The following ZNF804B variants were observed in gnomAD, a reference collection of about 807,000 sequenced individuals.
ZNF804B encodes zinc finger protein 804B.
A neutral mutation model predicts 101.4 loss-of-function variants in ZNF804B; 80 were observed. The observed-to-expected ratio is 0.79, with a 90% confidence interval of 0.66 to 0.95. ZNF804B has a LOEUF of 0.95. Among genes scored for constraint, ZNF804B ranks in the 40% least tolerant of loss-of-function variants. The pLI, the probability that ZNF804B is intolerant of heterozygous loss-of-function variation, is 0.00. For synonymous variants in ZNF804B, 622 were observed against 558.8 expected, an observed-to-expected ratio of 1.11 and a Z score of -1.59; for missense variants, 1,673 against 1,561.9, an observed-to-expected ratio of 1.07 and a Z score of -1.20.
At chr7:88,792,842 A>G (rs1188410412) in intron 1 of ZNF804B, among the ~76,000 whole-genome samples, 1 of 152,120 alleles carries the variant, frequency 6.6e-6, no homozygotes, top group Admixed American at 6.6e-5. Context: ...TTAATGAAGT[A>G]TTACAAAATT....
intron 1 of ZNF804B, among the ~76,000 whole-genome samples, chr7:88,833,459 C>G (rs937561647): frequency 6.6e-6 from 1 of 151,846 alleles, no homozygotes; most frequent in African/African-American, 2.4e-5. Context: ...ATGTATCTGA[C>G]ATGTTGCTAG....
At chr7:88,861,489 A>G (rs1265626320) in intron 1 of ZNF804B, among the ~76,000 whole-genome samples, 1 of 152,194 alleles carries the variant, frequency 6.6e-6, no homozygotes, top group East Asian at 1.9e-4. Context: ...AAAATAAGGC[A>G]TTTAATATAG....
intron 1 of ZNF804B, among the ~76,000 whole-genome samples, chr7:89,061,390 A>ATG (rs58438827): frequency 0.31 from 46,557 of 150,740 alleles, 7,546 homozygotes; most frequent in East Asian, 0.51. Flanking sequence ...CCCCATGAAA[A>ATG]TGTGTGTGTG....
At chr7:88,944,790 C>G (rs973415185) in intron 1 of ZNF804B, among the ~76,000 whole-genome samples, 1 of 151,730 alleles carries the variant, frequency 6.6e-6, no homozygotes, top group African/African-American at 2.4e-5. Context: ...AAATCCAAAA[C>G]TTTTTGAGTG....
chr7:88,819,019 G>A lies in ZNF804B; in HGVS notation c.108+58935G>A, dbSNP rs189541975. Among the ~76,000 whole-genome samples the A allele has an allele frequency of 5.7e-3, 862 of 152,270 alleles. 5 individuals carry two copies. Among genetic ancestry groups the A allele is most frequent in the African/African-American group, 0.02 (824 of 41,570 alleles). On this transcript the variant is annotated intron_variant, in intron 1 of 3. Coordinates refer to ENST00000333190, the MANE Select transcript of ZNF804B (RefSeq NM_181646.5). ...CAATGTCAATTTTCAGAAAAATACAGATTATTTAAATAAACAGCAGCAGGA... is the reference window on the plus strand; with the variant it reads ...CAATGTCAATTTTCAGAAAAATACAAATTATTTAAATAAACAGCAGCAGGA...
chr7:88,831,878 T>C (rs1791140000), intron 1 of ZNF804B, among the ~76,000 whole-genome samples: 1 of 151,948 alleles, frequency 6.6e-6, no homozygotes, highest in South Asian at 2.1e-4. Flanking sequence ...TGTCTCCATG[T>C]TGCCTTTTAA....
intron 1 of ZNF804B, among the ~76,000 whole-genome samples, chr7:89,092,468 A>G (rs1382435581): frequency 2.3e-5 from 3 of 131,200 alleles, no homozygotes; most frequent in East Asian, 2.2e-4. Flanking sequence ...GCTGGAGTAC[A>G]GTAGTGCCAT....
At position 89,278,782 on chromosome 7, in the gene ZNF804B, C is replaced by T. The variant is rs1425340176; in HGVS notation, c.250-48562C>T. ...TGTAGTATAGTTTGAAGTCAGGTAGCATGATGCCTCCAGCTTTGTTCTTTT... is the reference window on the plus strand; with the variant it reads ...TGTAGTATAGTTTGAAGTCAGGTAGTATGATGCCTCCAGCTTTGTTCTTTT... On this transcript the variant is annotated intron_variant, in intron 2 of 3. Coordinates refer to ENST00000333190, the MANE Select transcript of ZNF804B (RefSeq NM_181646.5). 2.5e-4 allele frequency among the ~76,000 whole-genome samples: 37 copies of T among 150,342 alleles called. No individual in the cohort carries two copies. In the East Asian group the frequency reaches 5.7e-3, roughly 23 times the overall value.
intron 1 of ZNF804B, among the ~76,000 whole-genome samples, chr7:88,906,625 A>T (rs1792474509): frequency 6.6e-6 from 1 of 151,938 alleles, no homozygotes; most frequent in Non-Finnish European, 1.5e-5. Flanking sequence ...TATTCTGTTG[A>T]ATTTATTGAG....
At chr7:89,041,962 T>C (rs1004847039) in intron 1 of ZNF804B, among the ~76,000 whole-genome samples, 1 of 152,208 alleles carries the variant, frequency 6.6e-6, no homozygotes, top group Admixed American at 6.5e-5. Flanking sequence ...AGTATCATCA[T>C]ATATGACTTA....
At chr7:89,203,988 T>C (rs1030553181) in intron 1 of ZNF804B, among the ~76,000 whole-genome samples, 1 of 152,146 alleles carries the variant, frequency 6.6e-6, no homozygotes, top group African/African-American at 2.4e-5. Flanking sequence ...GGGAACATAT[T>C]TGCAATCAAT....
At chr7:88,997,563 A>G (rs1788218808) in intron 1 of ZNF804B, among the ~76,000 whole-genome samples, 2 of 152,028 alleles carry the variant, frequency 1.3e-5, no homozygotes, top group South Asian at 4.1e-4. Context: ...ACATTTCTAG[A>G]TTCTTTGAGT....
At chr7:89,062,773 A>G (rs931894827) in intron 1 of ZNF804B, among the ~76,000 whole-genome samples, 4 of 152,158 alleles carry the variant, frequency 2.6e-5, no homozygotes, top group African/African-American at 7.2e-5. Context: ...TGAGGCGAGT[A>G]TAATCAATTC....
chr7:88,921,323 A>C (rs1457656603), intron 1 of ZNF804B, among the ~76,000 whole-genome samples: 2 of 152,116 alleles, frequency 1.3e-5, no homozygotes, highest in African/African-American at 4.8e-5. Context: ...TGAGAGACAC[A>C]GGTGAATAGG....
intron 1 of ZNF804B, among the ~76,000 whole-genome samples, chr7:89,058,314 T>C (rs1202863755): frequency 6.6e-6 from 1 of 152,172 alleles, no homozygotes; most frequent in Non-Finnish European, 1.5e-5. Flanking sequence ...TCTACCTTTA[T>C]GGCTTCTTAA....
chr7:88,857,115 C>T (rs1378132135), intron 1 of ZNF804B, among the ~76,000 whole-genome samples: 5 of 151,830 alleles, frequency 3.3e-5, no homozygotes, highest in African/African-American at 9.7e-5. Flanking sequence ...CAAAGCAGTG[C>T]GTGGAGGGAA....
chr7:88,923,710 G>A (rs938428314), intron 1 of ZNF804B, among the ~76,000 whole-genome samples: 7 of 151,670 alleles, frequency 4.6e-5, no homozygotes, highest in African/African-American at 7.3e-5. Flanking sequence ...TGAGGTAATA[G>A]GTATTATCAA....
At chr7:88,781,787 G>C (rs1441819729) in intron 1 of ZNF804B, among the ~76,000 whole-genome samples, 1 of 152,134 alleles carries the variant, frequency 6.6e-6, no homozygotes, top group East Asian at 1.9e-4. Flanking sequence ...TCTGCCATGT[G>C]TGAGTAGGTT....
At position 88,875,701 on chromosome 7, in the gene ZNF804B, A is replaced by G. The variant is rs551995472; in HGVS notation, c.108+115617A>G. ...CCAACCAAAAAGAGTCCAGGACCAG[A>G]TGGATTCACAGCCGAATTCTACCAG... On this transcript the variant is annotated intron_variant, in intron 1 of 3. Transcript: ENST00000333190. 1.2e-3 allele frequency among the ~76,000 whole-genome samples: 186 copies of G among 152,224 alleles called. 1 individual carries two copies. Among genetic ancestry groups the G allele is most frequent in the Non-Finnish European group, 2.1e-3 (142 of 68,010 alleles).
Sources: gnomAD v4.1 joint callset for allele counts (sites outside exome capture counted in the v4.1 genomes callset) on GRCh38, gnomAD v4.1.1 for gene constraint, MANE v1.5 for transcripts, NCBI Gene and HGNC (gene_info 2026-07-23, HGNC 2026-07-21) for gene names.